RAD51B: variants seen among roughly 807,000 people sequenced by gnomAD.
RAD51B encodes the protein RAD51 paralog B, also known as DNA repair protein RAD51 homolog 2.
RAD51B carries 38 observed loss-of-function variants against 42.2 expected under a neutral mutation model. That is an observed-to-expected ratio of 0.90 (90% CI 0.70 to 1.18). The LOEUF is 1.18. Ranked by LOEUF, RAD51B falls within the 50% of genes most tolerant of loss-of-function variation. RAD51B has a pLI of 0.00. For synonymous variants in RAD51B, 154 were observed against 145.2 expected (o/e 1.06, Z -0.43); for missense variants, 373 against 400.7 (o/e 0.93, Z 0.59).
At chr14:68,676,282 C>G (rs1281289498) in intron 11 of RAD51B, among the ~76,000 whole-genome samples, 4 of 152,154 alleles carry the variant, frequency 2.6e-5, no homozygotes, top group Admixed American at 6.5e-5. Flanking sequence ...GGTCATTCAG[C>G]TGGTACATGG....
intron 7 of RAD51B, among the ~76,000 whole-genome samples, chr14:68,196,573 A>T (rs1332822404): frequency 6.6e-6 from 1 of 151,310 alleles, no homozygotes; most frequent in African/African-American, 2.4e-5. Context: ...TGTAAAAATC[A>T]CTCCTTTAAG....
intron 11 of RAD51B, among the ~76,000 whole-genome samples, chr14:68,667,465 A>G (rs747171439): frequency 3.1e-5 from 4 of 127,838 alleles, no homozygotes; most frequent in Non-Finnish European, 5.3e-5. Flanking sequence ...TATAAAAACT[A>G]CCTTCACAGA....
intron 4 of RAD51B, among the ~76,000 whole-genome samples, chr14:67,854,598 C>T (rs144934225): frequency 0.024 from 3,669 of 150,876 alleles, 74 homozygotes; most frequent in African/African-American, 0.056. Context: ...TGCACTACTG[C>T]ACTCCAGCCT....
At chr14:68,239,439 A>G (rs1441425085) in intron 7 of RAD51B, among the ~76,000 whole-genome samples, 3 of 152,080 alleles carry the variant, frequency 2.0e-5, no homozygotes, top group Non-Finnish European at 4.4e-5. Context: ...CTGATCCTCC[A>G]GAGACGGAAG....
intron 10 of RAD51B, among the ~76,000 whole-genome samples, chr14:68,619,417 G>A (rs1179859523): frequency 3.4e-5 from 5 of 148,820 alleles, no homozygotes; most frequent in South Asian, 2.1e-4. Context: ...GAGTGAGATC[G>A]CACCACTGCA....
chr14:68,107,084 C>G (rs561109601), intron 7 of RAD51B, among the ~76,000 whole-genome samples: 2 of 151,880 alleles, frequency 1.3e-5, no homozygotes, highest in African/African-American at 4.8e-5. Flanking sequence ...TATTATTTCC[C>G]TCTTCATTAA....
In RAD51B at chr14:68,020,132, C is replaced by T. The variant is rs185150547; in HGVS notation, c.756+132928C>T. ...TTTTCTTTTCTTTCTTTTTCTTTAACGGGGTCTCACTATCTCACCTAGACT... is the reference window on the plus strand; with the variant it reads ...TTTTCTTTTCTTTCTTTTTCTTTAATGGGGTCTCACTATCTCACCTAGACT... On this transcript the variant is annotated intron_variant, in intron 7 of 10. Coordinates refer to ENST00000471583, the MANE Select transcript of RAD51B (RefSeq NM_133510.4). Among the ~76,000 whole-genome samples the T allele has an allele frequency of 3.3e-5, 5 of 152,142 alleles. No individual in the cohort carries two copies. In the East Asian group the frequency reaches 7.7e-4, roughly 24 times the overall value.
At chr14:68,435,852 G>A (rs534182964) in intron 9 of RAD51B, among the ~76,000 whole-genome samples, 7 of 152,140 alleles carry the variant, frequency 4.6e-5, no homozygotes, top group African/African-American at 1.7e-4. Context: ...CATGTATTTT[G>A]CCCATTTTTT....
intron 10 of RAD51B, among the ~76,000 whole-genome samples, chr14:68,602,720 A>G (rs1423961195): frequency 5.3e-5 from 8 of 152,316 alleles, no homozygotes; most frequent in African/African-American, 9.6e-5. Flanking sequence ...TGATTACTCA[A>G]AGTCTACTGA....
At chr14:68,263,175 A>C (rs2080922437) in intron 7 of RAD51B, among the ~76,000 whole-genome samples, 1 of 152,222 alleles carries the variant, frequency 6.6e-6, no homozygotes, top group Admixed American at 6.5e-5. Flanking sequence ...GGATACCTGC[A>C]AGCATTTTCC....
At chr14:68,062,528 T>G (rs1300123267) in intron 7 of RAD51B, among the ~76,000 whole-genome samples, 1 of 152,104 alleles carries the variant, frequency 6.6e-6, no homozygotes, top group East Asian at 1.9e-4. Context: ...GTGCGGTGGC[T>G]CATGCCTGTA....
At chr14:68,297,988 C>CA (rs2081646636) in intron 8 of RAD51B, among the ~76,000 whole-genome samples, 2 of 152,328 alleles carry the variant, frequency 1.3e-5, no homozygotes, top group South Asian at 4.1e-4. Context: ...TATCAACACA[C>CA]ACGATTTTAC....
intron 7 of RAD51B, among the ~76,000 whole-genome samples, chr14:68,259,597 A>G (rs2080835176): frequency 6.6e-6 from 1 of 152,168 alleles, no homozygotes; most frequent in South Asian, 2.1e-4. Context: ...GAATTAGACA[A>G]GGTTAGCTGT....
intron 7 of RAD51B, among the ~76,000 whole-genome samples, chr14:68,017,755 G>C (rs555106148): frequency 6.6e-6 from 1 of 151,950 alleles, no homozygotes; most frequent in Admixed American, 6.6e-5. Flanking sequence ...GGCAGATCAC[G>C]AGGTCAAGAG....
intron 8 of RAD51B, among the ~76,000 whole-genome samples, chr14:68,323,604 C>G (rs540118499): frequency 6.6e-6 from 1 of 152,280 alleles, no homozygotes; most frequent in South Asian, 2.1e-4. Context: ...CCAGCCTGAT[C>G]AAAATGGTGA....
At chr14:68,536,849 A>G (rs1357446294) in intron 10 of RAD51B, among the ~76,000 whole-genome samples, 1 of 151,654 alleles carries the variant, frequency 6.6e-6, no homozygotes, top group Non-Finnish European at 1.5e-5. Flanking sequence ...TGGGAGGCCG[A>G]GGCGGGCGGA....
intron 7 of RAD51B, among the ~76,000 whole-genome samples, chr14:67,951,332 C>T (rs1365280438): frequency 6.6e-6 from 1 of 152,076 alleles, no homozygotes; most frequent in Non-Finnish European, 1.5e-5. Flanking sequence ...TGTTAATGGG[C>T]TTTGAGTCTT....
chr14:68,237,888 C>T (rs1027281103), intron 7 of RAD51B, among the ~76,000 whole-genome samples: 130 of 152,166 alleles, frequency 8.5e-4, no homozygotes, highest in African/African-American at 3.1e-3. Flanking sequence ...GCATGCACCA[C>T]CACGCCCAGC....
chr14:67,981,744 T>C (rs2075096626), intron 7 of RAD51B, among the ~76,000 whole-genome samples: 1 of 152,164 alleles, frequency 6.6e-6, no homozygotes, highest in Non-Finnish European at 1.5e-5. Context: ...TGTATAATAT[T>C]CTAAAAAATG....
Sources: gnomAD v4.1 joint callset for allele counts (sites outside exome capture counted in the v4.1 genomes callset) on GRCh38, gnomAD v4.1.1 for gene constraint, MANE v1.5 for transcripts, NCBI Gene and HGNC (gene_info 2026-07-23, HGNC 2026-07-21) for gene names.